The following SUPT20HL1 variants were observed in gnomAD, a reference collection of about 807,000 sequenced individuals.
The protein encoded by SUPT20HL1 is SUPT20H like 1.
For missense variants in SUPT20HL1, 277 were observed against 200.3 expected (o/e 1.38, Z -2.31); for synonymous variants, 133 against 79.2 (o/e 1.68, Z -3.61).
rs769075695 is a variant in SUPT20HL1 at position 24,361,247 on chromosome X, C to T, written c.-1514C>T. Among the ~76,000 whole-genome samples the T allele has an allele frequency of 9.6e-4, 108 of 112,579 alleles. No homozygotes were observed. In the Middle Eastern group the frequency reaches 0.018, roughly 19 times the overall value. On this transcript the variant is annotated 5_prime_UTR_variant, in exon 1 of 1. Coordinates refer to ENST00000686983, the MANE Select transcript of SUPT20HL1 (RefSeq NM_001136234.3). ...CTACTCCCACTCAAATCCTCTCCTCCGGGAATGCTTTTGGGGAAACCCAAG... is the reference window on the plus strand; with the variant it reads ...CTACTCCCACTCAAATCCTCTCCTCTGGGAATGCTTTTGGGGAAACCCAAG...
rs867120724 is a variant in SUPT20HL1 at position 24,364,378 on chromosome X, G to C, written c.1618G>C (p.Ala540Pro). The change falls in exon 1 of 1, where the codon GCT (alanine) becomes CCT (proline). Residue 540 changes from alanine (A) to proline (P), a missense_variant. Ala to Pro is a conservative substitution (Grantham distance 27). Coordinates refer to ENST00000686983, the MANE Select transcript of SUPT20HL1 (RefSeq NM_001136234.3). ...TGCTGCTGCTGCTCCTGCTCTAGCT[G>C]CTGCTGCTGCTCCTGCTCCTGCTCC... ...LAAAAAPALA[A>P]AAAPAPAPAA... The C allele has an allele frequency of 8.7e-6, 5 of 576,273 alleles. No homozygotes were observed. The African/African-American group carries it at 1.8e-4, about 21-fold the overall frequency. The allele number at this position is 576,273 out of a possible 1,213,427, so 47.5% of individuals were successfully genotyped here. A position where few individuals can be genotyped will look rare whatever the true frequency, so the allele number is the denominator to read the frequency against.
In SUPT20HL1 at chrX:24,362,482, G is replaced by A. The variant is rs1939434674; in HGVS notation, c.-279G>A. On this transcript the variant is annotated 5_prime_UTR_variant, in exon 1 of 1. Coordinates refer to ENST00000686983, the MANE Select transcript of SUPT20HL1 (RefSeq NM_001136234.3). Reference sequence around the variant, plus strand: ...GGCAGGTGCCCAGACGCGCCTAGAAGCTGACCCCGGCCCTCCCGCTCACTT... The same window carrying A: ...GGCAGGTGCCCAGACGCGCCTAGAAACTGACCCCGGCCCTCCCGCTCACTT... 9.1e-6 allele frequency among the ~76,000 whole-genome samples: 1 copy of A among 109,779 alleles called. No homozygotes were observed. Among genetic ancestry groups the A allele is most frequent in the Non-Finnish European group, 1.9e-5 (1 of 52,265 alleles).
Position 24,367,640 on chromosome X carries a change from G to C in SUPT20HL1, c.*2216G>C, listed in dbSNP as rs1005209290. ...AAGAAGCGAACCAGTGCAACGACTG[G>C]TTGCAAAGAAGAGTTTCTCCTTAGC... On this transcript the variant is annotated 3_prime_UTR_variant, in exon 1 of 1. Transcript: ENST00000686983. Among the ~76,000 whole-genome samples the C allele has an allele frequency of 1.2e-4, 14 of 112,331 alleles. No homozygotes were observed. The highest frequency in any genetic ancestry group is 4.2e-4 in the African/African-American group (13 of 30,906).
In SUPT20HL1 at chrX:24,364,305, TG is replaced by T. The variant is rs1569203587; in HGVS notation, c.1546del (p.Ala516LeufsTer7). 3.8e-4 allele frequency: 357 copies of T among 941,825 alleles called. No individual in the cohort carries two copies. In the African/African-American group the frequency reaches 5.9e-3, roughly 16 times the overall value. The allele number at this position is 941,825 out of a possible 1,213,427, so 77.6% of individuals were successfully genotyped here. ...CTGCTGCTGCTGCTGCTGCTGCTGC[TG>T]CTGCTCCTGCTCCTGCTCTAGCTGC... ...AAAAAAAAAAAAPAPALAAAA... is the reference protein window; with the variant it reads ...AAAAAAAAAAXAPAPALAAAA... On this transcript the variant is annotated frameshift_variant, in exon 1 of 1. Coordinates refer to ENST00000686983, the MANE Select transcript of SUPT20HL1 (RefSeq NM_001136234.3). LOFTEE classifies it low-confidence loss of function (END_TRUNC).
In SUPT20HL1 at chrX:24,365,538, A is replaced by G. The variant is rs890919641; in HGVS notation, c.*114A>G. 3.2e-5 allele frequency: 9 copies of G among 278,269 alleles called. No individual in the cohort carries two copies. The highest frequency in any genetic ancestry group is 6.3e-5 in the Non-Finnish European group (9 of 142,009). The allele number at this position is 278,269 out of a possible 1,213,427, so 22.9% of individuals were successfully genotyped here. ...TCATGTTTCGGTATTTTACATTTTA[A>G]AGTACACAGTTTACACAGAAGCACA... On this transcript the variant is annotated 3_prime_UTR_variant, in exon 1 of 1. Coordinates refer to ENST00000686983, the MANE Select transcript of SUPT20HL1 (RefSeq NM_001136234.3).
Position 24,363,782 on chromosome X carries a change from T to G in SUPT20HL1, c.1022T>G (p.Leu341Trp), listed in dbSNP as rs1727960. The change falls in exon 1 of 1, where the codon TTG (leucine) becomes TGG (tryptophan). Residue 341 changes from leucine to tryptophan, a missense_variant. Coordinates refer to ENST00000686983, the MANE Select transcript of SUPT20HL1 (RefSeq NM_001136234.3). ...GTAGAAGACCCTTTTGGATTTGCGT[T>G]GGAAGCTGGCTGTCAGGCCTGGGAC... ...QEVEDPFGFALEAGCQAWDTK... is the reference protein window; with the variant it reads ...QEVEDPFGFAWEAGCQAWDTK... 3.9e-5 allele frequency: 15 copies of G among 388,092 alleles called. No individual in the cohort carries two copies. The highest frequency in any genetic ancestry group is 2.3e-4 in the South Asian group (10 of 42,708). The allele number at this position is 388,092 out of a possible 1,213,427, so 32.0% of individuals were successfully genotyped here.
rs1442318114 is a variant in SUPT20HL1 at position 24,364,850 on chromosome X, C to T, written c.2090C>T (p.Thr697Ile). 2 of 387,946 alleles carry T rather than the reference C, an allele frequency of 5.2e-6. No individual in the cohort carries two copies. The highest frequency in any genetic ancestry group is 4.7e-5 in the South Asian group (2 of 42,852). 32.0% of individuals were successfully genotyped at this position (387,946 alleles called of 1,213,427 possible). ...GTTCCGCAGGGCTCGGCGGTTCTGA[C>T]CGGCCCGCAGCAGCAGTCCCATCAG... The part of the protein sequence containing the change: ...LQVPQGSAVL[T>I]GPQQQSHQLV... The change falls in exon 1 of 1, where the codon ACC (threonine) becomes ATC (isoleucine). Residue 697 changes from threonine to isoleucine, a missense_variant. Thr to Ile is a moderately conservative substitution (Grantham distance 89, BLOSUM62 -1). Coordinates refer to ENST00000686983, the MANE Select transcript of SUPT20HL1 (RefSeq NM_001136234.3).
At position 24,366,952 on chromosome X, in the gene SUPT20HL1, T is replaced by C. The variant is rs1939488557; in HGVS notation, c.*1528T>C. On this transcript the variant is annotated 3_prime_UTR_variant, in exon 1 of 1. Coordinates refer to ENST00000686983, the MANE Select transcript of SUPT20HL1 (RefSeq NM_001136234.3). ...TTTTCATCACCCACCAAGCAATCTCTGTACCCATTAAGCACTAGCGTGACA... is the reference window on the plus strand; with the variant it reads ...TTTTCATCACCCACCAAGCAATCTCCGTACCCATTAAGCACTAGCGTGACA... Among the ~76,000 whole-genome samples the C allele has an allele frequency of 1.9e-5, 2 of 103,325 alleles. No homozygotes were observed. Among genetic ancestry groups the C allele is most frequent in the Middle Eastern group, 4.7e-3 (1 of 213 alleles). The allele number at this position is 103,325 out of a possible 115,157, so 89.7% of individuals were successfully genotyped here.
At position 24,361,031 on chromosome X, in the gene SUPT20HL1, C is replaced by T. The variant is rs543646012; in HGVS notation, c.-1730C>T. Among the ~76,000 whole-genome samples the T allele has an allele frequency of 2.7e-5, 3 of 112,444 alleles. No individual in the cohort carries two copies. The highest frequency in any genetic ancestry group is 9.7e-5 in the African/African-American group (3 of 30,969). Reference sequence around the variant, plus strand: ...AGAAAGAAAAGTGGATGAATAAATACCCCAGCTTCCTTGCATCTAGGACGG... The same window carrying T: ...AGAAAGAAAAGTGGATGAATAAATATCCCAGCTTCCTTGCATCTAGGACGG... On this transcript the variant is annotated 5_prime_UTR_variant, in exon 1 of 1. Coordinates refer to ENST00000686983, the MANE Select transcript of SUPT20HL1 (RefSeq NM_001136234.3).
At position 24,361,373 on chromosome X, in the gene SUPT20HL1, C is replaced by T. The variant is rs1409347761; in HGVS notation, c.-1388C>T. On this transcript the variant is annotated 5_prime_UTR_variant, in exon 1 of 1. Transcript: ENST00000686983. ...AGTGAGATGCACCCTGGGATATCAG[C>T]GGAGGGAGGGGCAGAATTTAGATCA... is the stretch of plus-strand genomic sequence containing the variant. Among the ~76,000 whole-genome samples, 1 of 111,820 alleles carries T rather than the reference C, an allele frequency of 8.9e-6. No homozygotes were observed. The highest frequency in any genetic ancestry group is 1.9e-5 in the Non-Finnish European group (1 of 53,142).
rs376092696 is a variant in SUPT20HL1 at position 24,364,839 on chromosome X, G to A, written c.2079G>A (p.Ser693=). The A allele has an allele frequency of 3.1e-4, 119 of 386,798 alleles. No homozygotes were observed. The highest frequency in any genetic ancestry group is 2.6e-3 in the African/African-American group (101 of 39,511). 31.9% of individuals were successfully genotyped at this position (386,798 alleles called of 1,213,427 possible). ...PLTLLQVPQG[S]AVLTGPQQQS... ...CACTCCTCCAGGTTCCGCAGGGCTC[G>A]GCGGTTCTGACCGGCCCGCAGCAGC... The change falls in exon 1 of 1, where the codon TCG becomes TCA. Residue 693 remains serine, a synonymous_variant. Coordinates refer to ENST00000686983, the MANE Select transcript of SUPT20HL1 (RefSeq NM_001136234.3).
rs769916325 is a variant in SUPT20HL1, at chrX:24,365,246, G to A, written c.2486G>A (p.Arg829Lys). 7.9e-6 allele frequency: 3 copies of A among 379,649 alleles called. No individual in the cohort carries two copies. Among genetic ancestry groups the A allele is most frequent in the Non-Finnish European group, 1.6e-5 (3 of 189,373 alleles). The allele number at this position is 379,649 out of a possible 1,213,427, so 31.3% of individuals were successfully genotyped here. The part of the protein sequence containing the change: ...QHIQLQTQQL[R>K]VLQQPQHIQL... ...ATCCAGCTCCAGACTCAGCAGTTGA[G>A]AGTCTTGCAGCAGCCGCAGCATATC... The change falls in exon 1 of 1, where the codon AGA becomes AAA. Residue 829 changes from arginine to lysine, a missense_variant. Transcript: ENST00000686983.
In SUPT20HL1 at chrX:24,362,338, G is replaced by A. The variant is rs1939433250; in HGVS notation, c.-423G>A. On this transcript the variant is annotated 5_prime_UTR_variant, in exon 1 of 1. Transcript: ENST00000686983. Reference sequence around the variant, plus strand: ...GGAGCTGACCCTGGCCCTCCCGTTCGCTTCCGGTGTAGCATGCAGAGACGT... The same window carrying A: ...GGAGCTGACCCTGGCCCTCCCGTTCACTTCCGGTGTAGCATGCAGAGACGT... Among the ~76,000 whole-genome samples, 1 of 111,975 alleles carries A rather than the reference G, an allele frequency of 8.9e-6. No individual in the cohort carries two copies. The highest frequency in any genetic ancestry group is 9.4e-5 in the Admixed American group (1 of 10,663).
Position 24,367,157 on chromosome X carries a change from T to C in SUPT20HL1, c.*1733T>C, listed in dbSNP as rs905551381. On this transcript the variant is annotated 3_prime_UTR_variant, in exon 1 of 1. Transcript: ENST00000686983. The stretch of plus-strand genomic sequence containing the variant: ...AAAATGTATTGCTAATTCATTCCTA[T>C]CTGTGGTTCAATAACATTCCATTGT... Among the ~76,000 whole-genome samples, 1 of 112,673 alleles carries C rather than the reference T, an allele frequency of 8.9e-6. No homozygotes were observed. Among genetic ancestry groups the C allele is most frequent in the African/African-American group, 3.2e-5 (1 of 30,973 alleles).
In SUPT20HL1 at chrX:24,363,862, C is replaced by G; in HGVS notation, c.1102C>G (p.Arg368Gly). Residue 368 changes from arginine (R) to glycine (G), a missense_variant, in exon 1 of 1, where the codon CGG becomes GGG. Transcript: ENST00000686983. ...TGATCCGCTTCTCTGTGGTAAAATACGGCCACGTAAAAAAGCCAGGCAGAA... is the reference window on the plus strand; with the variant it reads ...TGATCCGCTTCTCTGTGGTAAAATAGGGCCACGTAAAAAAGCCAGGCAGAA... The part of the protein sequence containing the change: ...FNDPLLCGKI[R>G]PRKKARQKSQ... 2 of 395,661 alleles carry G rather than the reference C, an allele frequency of 5.1e-6. No individual in the cohort carries two copies. Among genetic ancestry groups the G allele is most frequent in the Non-Finnish European group, 1.0e-5 (2 of 199,010 alleles). 32.6% of individuals were successfully genotyped at this position (395,661 alleles called of 1,213,427 possible). A position where few individuals can be genotyped will look rare whatever the true frequency, so the allele number is the denominator to read the frequency against.
chrX:24,366,041 C>G lies in SUPT20HL1; in HGVS notation c.*617C>G, dbSNP rs921563435. Among the ~76,000 whole-genome samples the G allele has an allele frequency of 9.0e-6, 1 of 111,452 alleles. No homozygotes were observed. The highest frequency in any genetic ancestry group is 3.3e-5 in the African/African-American group (1 of 30,601). On this transcript the variant is annotated 3_prime_UTR_variant, in exon 1 of 1. Transcript: ENST00000686983. ...GCAGCCATTGTTCTACTTTCTTTCT[C>G]TATGAGTTGACTACCCTGGCCACTT...
At position 24,365,187 on chromosome X, in the gene SUPT20HL1, G is replaced by A. The variant is rs765423905; in HGVS notation, c.2427G>A (p.Glu809=). The A allele has an allele frequency of 2.9e-5, 10 of 348,341 alleles. No individual in the cohort carries two copies. In the East Asian group the frequency reaches 9.4e-4, roughly 33 times the overall value. The allele number at this position is 348,341 out of a possible 1,213,427, so 28.7% of individuals were successfully genotyped here. ...QPQWQPKPRQ[E]QPQSQQQQPQ... Reference sequence around the variant, plus strand: ...AGTGGCAGCCAAAGCCACGGCAGGAGCAGCCACAGTCGCAGCAGCAGCAGC... The same window carrying A: ...AGTGGCAGCCAAAGCCACGGCAGGAACAGCCACAGTCGCAGCAGCAGCAGC... The change falls in exon 1 of 1, where the codon GAG becomes GAA. Residue 809 remains glutamate (E), a synonymous_variant. Coordinates refer to ENST00000686983, the MANE Select transcript of SUPT20HL1 (RefSeq NM_001136234.3).
chrX:24,365,486 G>T lies in SUPT20HL1; in HGVS notation c.*62G>T. 3.2e-6 allele frequency: 1 copy of T among 315,380 alleles called. No individual in the cohort carries two copies. Among genetic ancestry groups the T allele is most frequent in the South Asian group, 3.2e-5 (1 of 31,640 alleles). 26.0% of individuals were successfully genotyped at this position (315,380 alleles called of 1,213,427 possible). On this transcript the variant is annotated 3_prime_UTR_variant, in exon 1 of 1. Transcript: ENST00000686983. The stretch of plus-strand genomic sequence containing the variant: ...GAGCATTGACTCAAATGATTTCCCA[G>T]TTTTTACTTGAGTTTTGTTTTTTTT...
rs1457152602 is a variant in SUPT20HL1 at position 24,361,194 on chromosome X, T to C, written c.-1567T>C. Among the ~76,000 whole-genome samples the C allele has an allele frequency of 8.9e-6, 1 of 112,369 alleles. No individual in the cohort carries two copies. The highest frequency in any genetic ancestry group is 2.8e-4 in the East Asian group (1 of 3,577). ...ACTCAGCTCCCCTTTCTGTCACCAA[T>C]GCTTCTAAGGATTAGCACCCAAAGA... is the stretch of plus-strand genomic sequence containing the variant. On this transcript the variant is annotated 5_prime_UTR_variant, in exon 1 of 1. It removes an upstream start codon present in the reference 5' UTR. Coordinates refer to ENST00000686983, the MANE Select transcript of SUPT20HL1 (RefSeq NM_001136234.3).
Sources: gnomAD v4.1 joint callset for allele counts (sites outside exome capture counted in the v4.1 genomes callset) on GRCh38, gnomAD v4.1.1 for gene constraint, MANE v1.5 for transcripts, NCBI Gene and HGNC (gene_info 2026-07-23, HGNC 2026-07-21) for gene names.